Variants in CALHM4 observed in about 807,000 individuals in gnomAD.
CALHM4 encodes the protein calcium homeostasis modulator protein 4.
CALHM4 carries 16 observed loss-of-function variants against 13.3 expected under a neutral mutation model. The ratio of observed to expected loss-of-function variants is 1.20; its 90% confidence interval spans 0.81 to 1.82. CALHM4 has a LOEUF of 1.82. Ranked by LOEUF, CALHM4 falls within the 40% of genes most tolerant of loss-of-function variation. The pLI is 0.00. For synonymous variants in CALHM4, 127 were observed against 137.1 expected, an observed-to-expected ratio of 0.93 and a Z score of 0.52; for missense variants, 344 against 374.9, an observed-to-expected ratio of 0.92 and a Z score of 0.68.
Position 116,558,245 on chromosome 6 carries a change from A to G in CALHM4, c.*34A>G, listed in dbSNP as rs756986198. ...CCTTTCATGAGTCAGGTTGCTTAGCAGATACTTGGCTTTTATGGCTTTTAT... is the reference window on the plus strand; with the variant it reads ...CCTTTCATGAGTCAGGTTGCTTAGCGGATACTTGGCTTTTATGGCTTTTAT... On this transcript the variant is annotated 3_prime_UTR_variant, in exon 2 of 2. Coordinates refer to ENST00000368596, the MANE Select transcript of CALHM4 (RefSeq NM_001366078.2). 3.2e-6 allele frequency: 5 copies of G among 1,569,228 alleles called. No homozygotes were observed. Among genetic ancestry groups the G allele is most frequent in the Non-Finnish European group, 4.3e-6 (5 of 1,160,880 alleles).
intron 1 of CALHM4, among the ~76,000 whole-genome samples, chr6:116,529,405 T>A (rs929162990): frequency 2.6e-5 from 4 of 152,232 alleles, no homozygotes; most frequent in Non-Finnish European, 5.9e-5. Context: ...GTCACAACTG[T>A]TGGCTGTCTA....
intron 1 of CALHM4, among the ~76,000 whole-genome samples, chr6:116,530,612 A>G (rs990750672): frequency 3.0e-4 from 45 of 151,938 alleles, no homozygotes; most frequent in African/African-American, 1.1e-3. Context: ...TGTCTGCCCC[A>G]CTCTTGCTAA....
chr6:116,531,669 T>C (rs1018045316), intron 1 of CALHM4, among the ~76,000 whole-genome samples: 1 of 152,126 alleles, frequency 6.6e-6, no homozygotes. Context: ...TGATGAATTT[T>C]AGGATAATTT....
chr6:116,530,078 C>T (rs1420855739), intron 1 of CALHM4, among the ~76,000 whole-genome samples: 1 of 151,914 alleles, frequency 6.6e-6, no homozygotes, highest in African/African-American at 2.4e-5. Flanking sequence ...TAGACTTAGA[C>T]CCAGAATTGT....
chr6:116,542,929 T>C (rs1298292408), intron 1 of CALHM4, among the ~76,000 whole-genome samples: 1 of 152,136 alleles, frequency 6.6e-6, no homozygotes, highest in African/African-American at 2.4e-5. Context: ...ATATTTATAT[T>C]GGAAGCAGTT....
chr6:116,549,941 A>G (rs894104645), upstream of CALHM4, among the ~76,000 whole-genome samples: 12 of 143,664 alleles, frequency 8.4e-5, no homozygotes, highest in Non-Finnish European at 1.5e-4. Flanking sequence ...ATGCCATTGC[A>G]CTCCAGACTG....
chr6:116,544,550 T>C (rs1331528184), intron 2 of CALHM4, among the ~76,000 whole-genome samples: 1 of 152,172 alleles, frequency 6.6e-6, no homozygotes, highest in East Asian at 1.9e-4. Flanking sequence ...AAAATAATCA[T>C]ATGAATATCT....
chr6:116,539,743 G>A (rs1330331257), intron 1 of CALHM4, among the ~76,000 whole-genome samples: 2 of 152,054 alleles, frequency 1.3e-5, no homozygotes, highest in Non-Finnish European at 2.9e-5. Flanking sequence ...CTGGAGACAC[G>A]CGTATCTTCT....
At chr6:116,543,968 A>G in intron 2 of CALHM4, 1 of 1,040,164 alleles carries the variant, frequency 9.6e-7, no homozygotes, top group Non-Finnish European at 1.4e-6. Context: ...TAAATTATAA[A>G]TGAAAACTAA....
intron 1 of CALHM4, among the ~76,000 whole-genome samples, chr6:116,554,598 G>A (rs560451399): frequency 2.0e-5 from 3 of 152,234 alleles, no homozygotes; most frequent in African/African-American, 7.2e-5. Flanking sequence ...GTAAAATGGG[G>A]ATATTCATGG....
intron 2 of CALHM4, among the ~76,000 whole-genome samples, chr6:116,545,109 AT>A (rs1773698428): frequency 1.4e-5 from 2 of 145,488 alleles, no homozygotes; most frequent in African/African-American, 2.8e-5. Context: ...ATACACACAT[AT>A]ATATATACAT....
rs1367232310 is a variant in CALHM4 at position 116,554,226 on chromosome 6, T to C, written c.433T>C (p.Phe145Leu). 2 of 1,550,632 alleles carry C rather than the reference T, an allele frequency of 1.3e-6. No homozygotes were observed. The highest frequency in any genetic ancestry group is 3.9e-5 in the Admixed American group (2 of 51,006). Residue 145 changes from phenylalanine (F) to leucine (L), a missense_variant, in exon 1 of 2, where the codon TTT becomes CTT. Physicochemically the swap from Phe to Leu is conservative, Grantham distance 22. Coordinates refer to ENST00000368596, the MANE Select transcript of CALHM4 (RefSeq NM_001366078.2). The part of the protein sequence containing the change: ...EFASVDHYPM[F>L]DNVSASKREE... The stretch of plus-strand genomic sequence containing the variant: ...TGCATCTGTGGACCATTACCCAATG[T>C]TTGATAATGTCAGTGCCAGCAAACG...
intron 2 of CALHM4, among the ~76,000 whole-genome samples, chr6:116,546,207 G>T (rs981954385): frequency 6.6e-6 from 1 of 152,152 alleles, no homozygotes; most frequent in Non-Finnish European, 1.5e-5. Context: ...CAAAATGGGC[G>T]CTCTACAGTA....
chr6:116,537,260 C>A (rs1211838485), intron 1 of CALHM4, among the ~76,000 whole-genome samples: 2 of 152,110 alleles, frequency 1.3e-5, no homozygotes, highest in Admixed American at 1.3e-4. Flanking sequence ...GGAAGGAATT[C>A]ATCAGAATGG....
rs966136039 is a variant in CALHM4 at position 116,545,276 on chromosome 6, GT to G, written c.-1+1405del. Among the ~76,000 whole-genome samples, 15 of 152,008 alleles carry G rather than the reference GT, an allele frequency of 9.9e-5. 1 individual carries two copies. The highest frequency in any genetic ancestry group is 3.6e-4 in the African/African-American group (15 of 41,392). On this transcript the variant is annotated intron_variant, in intron 2 of 2. Coordinates refer to the CALHM4 transcript ENST00000368597. ...GTCAGAAAAGAAGACCTTAAAGTGT[GT>G]ATAAAGAATTGATTATTCTTTATGT...
Position 116,554,004 on chromosome 6 carries a change from A to G in CALHM4, c.211A>G (p.Arg71Gly), listed in dbSNP as rs1188660009. 33 of 1,550,478 alleles carry G rather than the reference A, an allele frequency of 2.1e-5. No homozygotes were observed. The highest frequency in any genetic ancestry group is 2.9e-5 in the Non-Finnish European group (33 of 1,147,028). ...CCTTCTCGTTGCTGGCTTTGCTCTG[A>G]GAAGCCAAATGTGGACAATTACCGG... Reference protein sequence around the residue: ...LILLVAGFALRSQMWTITGEY... With the variant: ...LILLVAGFALGSQMWTITGEY... The change falls in exon 1 of 2, where the codon AGA (arginine) becomes GGA (glycine). Residue 71 changes from arginine (R) to glycine (G), a missense_variant. Transcript: ENST00000368596.
chr6:116,559,629 A>G lies in CALHM4; in HGVS notation c.*1418A>G, dbSNP rs1404436797. ...CTCACCATTACTCATCTGTCATTTG[A>G]CCTTGGACAAATCAGTCCATCTCTC... On this transcript the variant is annotated 3_prime_UTR_variant, in exon 2 of 2. Coordinates refer to ENST00000368596, the MANE Select transcript of CALHM4 (RefSeq NM_001366078.2). Among the ~76,000 whole-genome samples, 3 of 152,106 alleles carry G rather than the reference A, an allele frequency of 2.0e-5. No homozygotes were observed. The highest frequency in any genetic ancestry group is 4.4e-5 in the Non-Finnish European group (3 of 68,008).
Position 116,530,466 on chromosome 6 carries a change from T to C in CALHM4, c.-109+1276T>C, listed in dbSNP as rs1583279311. ...AGGATTAGATGACCAGAGCAAACTT[T>C]TGTAATTGGTTCCTTTATAAGAAGT... On this transcript the variant is annotated intron_variant, in intron 1 of 2. Transcript: ENST00000368597. Among the ~76,000 whole-genome samples the C allele has an allele frequency of 3.9e-5, 6 of 152,224 alleles. No individual in the cohort carries two copies. The South Asian group carries it at 1.2e-3, about 32-fold the overall frequency.
intron 1 of CALHM4, among the ~76,000 whole-genome samples, chr6:116,542,501 T>C (rs1473563502): frequency 6.6e-6 from 1 of 152,152 alleles, no homozygotes; most frequent in Non-Finnish European, 1.5e-5. Flanking sequence ...TCTGCCTAGA[T>C]AAATCTTCTA....
Sources: allele counts gnomAD v4.1 joint callset (sites outside exome capture counted in the v4.1 genomes callset), GRCh38; gene constraint gnomAD v4.1.1; transcripts MANE v1.5; gene names NCBI Gene and HGNC (gene_info 2026-07-23, HGNC 2026-07-21).